The following BEND4 variants were observed in gnomAD, a reference collection of about 807,000 sequenced individuals.
BEND4 encodes BEN domain containing 4, also known as BEN domain-containing protein 4.
In BEND4, 27 loss-of-function variants were observed where a neutral mutation model predicts 54.7. The observed-to-expected ratio is 0.49, with a 90% confidence interval of 0.36 to 0.68. The LOEUF (loss-of-function observed/expected upper bound fraction) is 0.68. BEND4 is among the 30% of genes least tolerant of loss of function. The pLI is 0.00. For synonymous variants in BEND4, 327 were observed against 299.5 expected (o/e 1.09, Z -0.95); for missense variants, 702 against 697.2 (o/e 1.01, Z -0.08).
chr4:42,151,794 G>A lies in BEND4; in HGVS notation c.350C>T (p.Ala117Val). Residue 117 changes from alanine to valine, a missense_variant, in exon 2 of 6, where the codon GCG becomes GTG. Physicochemically the swap from Ala to Val is moderately conservative, Grantham distance 64. Transcript: ENST00000502486. ...ATSQGHLRTP[A>V]QPPPASPAAS... ...GGCGGGGGACGCGGGCGGCGGCTGC[G>A]CCGGAGTCCTCAAGTGGCCCTGGGA... is the stretch of plus-strand genomic sequence containing the variant. The A allele has an allele frequency of 5.4e-6, 8 of 1,487,810 alleles. No individual in the cohort carries two copies. The highest frequency in any genetic ancestry group is 7.1e-6 in the Non-Finnish European group (8 of 1,126,812). 92.2% of individuals were successfully genotyped at this position (1,487,810 alleles called of 1,614,324 possible).
In BEND4 at chr4:42,145,443, T is replaced by C. The variant is rs560663041; in HGVS notation, c.488-1449A>G. 5.9e-3 allele frequency among the ~76,000 whole-genome samples: 892 copies of C among 152,142 alleles called. 11 individuals are homozygous for C. The highest frequency in any genetic ancestry group is 0.011 in the Admixed American group (171 of 15,272). On this transcript the variant is annotated intron_variant, in intron 2 of 5. Transcript: ENST00000502486. ...GGTGCAGTGGCTCACACCTGTAATC[T>C]CAGCACTTTGGGAGGCCAAGGTGGG...
At chr4:42,133,134 T>C (rs1313302346) in intron 3 of BEND4, among the ~76,000 whole-genome samples, 3 of 152,216 alleles carry the variant, frequency 2.0e-5, no homozygotes, top group Non-Finnish European at 4.4e-5. Flanking sequence ...GTGTAAACTA[T>C]TGTCATTTTA....
intron 3 of BEND4, among the ~76,000 whole-genome samples, chr4:42,138,296 A>C (rs1720764065): frequency 6.6e-6 from 1 of 152,214 alleles, no homozygotes; most frequent in African/African-American, 2.4e-5. Context: ...GGTGAGTCCG[A>C]AGGCCATTAT....
At chr4:42,130,479 C>CAAAAAA (rs55989085) in intron 3 of BEND4, among the ~76,000 whole-genome samples, 2 of 64,920 alleles carry the variant, frequency 3.1e-5, no homozygotes, top group Admixed American at 1.8e-4. Context: ...GAGTCCGTCT[C>CAAAAAA]AAAAAAAAAA....
At chr4:42,123,709 A>AACAAAAAC in intron 4 of BEND4, among the ~76,000 whole-genome samples, 1 of 150,980 alleles carries the variant, frequency 6.6e-6, no homozygotes, top group Non-Finnish European at 1.5e-5. Context: ...AAAAAAAAAA[A>AACAAAAAC]AAAAAAAACA....
chr4:42,132,415 G>A (rs939150399), intron 3 of BEND4, among the ~76,000 whole-genome samples: 2 of 151,228 alleles, frequency 1.3e-5, no homozygotes, highest in East Asian at 1.9e-4. Context: ...CTGCCTCCTC[G>A]TGCAAATTAG....
intron 3 of BEND4, among the ~76,000 whole-genome samples, chr4:42,125,895 C>T (rs1720262067): frequency 6.6e-6 from 1 of 152,020 alleles, no homozygotes; most frequent in Admixed American, 6.5e-5. Context: ...CGCACCACTG[C>T]ACCCAGCTAA....
intron 2 of BEND4, among the ~76,000 whole-genome samples, chr4:42,150,408 T>C (rs1721224799): frequency 1.3e-5 from 2 of 152,256 alleles, no homozygotes; most frequent in African/African-American, 2.4e-5. Flanking sequence ...GTCTTCACTA[T>C]AACCTGTAAT....
At chr4:42,142,837 C>T (rs925554345) in intron 3 of BEND4, among the ~76,000 whole-genome samples, 1 of 151,964 alleles carries the variant, frequency 6.6e-6, no homozygotes, top group African/African-American at 2.4e-5. Flanking sequence ...CTATCTTTGA[C>T]CTATTAGGAC....
Position 42,111,627 on chromosome 4 carries a change from T to C in BEND4, c.*5891A>G, listed in dbSNP as rs1719574101. 1 of 152,226 alleles carries C rather than the reference T, an allele frequency of 6.6e-6. No individual in the cohort carries two copies. Among genetic ancestry groups the C allele is most frequent in the South Asian group, 2.1e-4 (1 of 4,830 alleles). The allele number at this position is 152,226 out of a possible 1,614,324, so 9.4% of individuals were successfully genotyped here. A position where few individuals can be genotyped will look rare whatever the true frequency, so the allele number is the denominator to read the frequency against. ...ACAGGAAAAAATCAACAGATTACTGTATTTTCTTACAAAATTTTCACAACA... is the reference window on the plus strand; with the variant it reads ...ACAGGAAAAAATCAACAGATTACTGCATTTTCTTACAAAATTTTCACAACA... On this transcript the variant is annotated 3_prime_UTR_variant, in exon 6 of 6. Coordinates refer to ENST00000502486, the MANE Select transcript of BEND4 (RefSeq NM_207406.4).
At chr4:42,149,823 A>C (rs1021103752) in intron 2 of BEND4, among the ~76,000 whole-genome samples, 3 of 152,218 alleles carry the variant, frequency 2.0e-5, no homozygotes, top group Admixed American at 6.5e-5. Flanking sequence ...AGAAAAAAAG[A>C]AGCAATACAG....
In BEND4 at chr4:42,115,850, A is replaced by G. The variant is rs1267106965; in HGVS notation, c.*1668T>C. ...ATTGAATATTGGTTCTCCCTATTCC[A>G]TTGAATGATATGACAAATTTTAGTT... On this transcript the variant is annotated 3_prime_UTR_variant, in exon 6 of 6. Coordinates refer to ENST00000502486, the MANE Select transcript of BEND4 (RefSeq NM_207406.4). The G allele has an allele frequency of 8.7e-6, 1 of 115,330 alleles. No homozygotes were observed. The highest frequency in any genetic ancestry group is 1.9e-4 in the East Asian group (1 of 5,164). 7.1% of individuals were successfully genotyped at this position (115,330 alleles called of 1,614,324 possible).
chr4:42,122,735 A>G (rs7657111), intron 4 of BEND4, among the ~76,000 whole-genome samples: 1 of 152,032 alleles, frequency 6.6e-6, no homozygotes, highest in African/African-American at 2.4e-5. Flanking sequence ...TAAGCTGTTT[A>G]TTTAACACCA....
chr4:42,116,188 G>A lies in BEND4; in HGVS notation c.*1330C>T, dbSNP rs1719823690. The A allele has an allele frequency of 6.6e-6, 1 of 152,184 alleles. No individual in the cohort carries two copies. Among genetic ancestry groups the A allele is most frequent in the African/African-American group, 2.4e-5 (1 of 41,444 alleles). 9.4% of individuals were successfully genotyped at this position (152,184 alleles called of 1,614,324 possible). A position where few individuals can be genotyped will look rare whatever the true frequency, so the allele number is the denominator to read the frequency against. Reference sequence around the variant, plus strand: ...AAAACCCTTGGTCATGTCTGTAGATGACATTAGTAGCCTTCAATAAACGCT... The same window carrying A: ...AAAACCCTTGGTCATGTCTGTAGATAACATTAGTAGCCTTCAATAAACGCT... On this transcript the variant is annotated 3_prime_UTR_variant, in exon 6 of 6. Coordinates refer to ENST00000502486, the MANE Select transcript of BEND4 (RefSeq NM_207406.4).
chr4:42,117,797 G>T, intron 5 of BEND4, 62 bp from the exon 6 acceptor site: 1 of 1,158,074 alleles, frequency 8.6e-7, no homozygotes, highest in Non-Finnish European at 1.2e-6. Context: ...TTTTGCAGAA[G>T]ATGACAGGGC....
Position 42,114,445 on chromosome 4 carries a change from T to G in BEND4, c.*3073A>C, listed in dbSNP as rs924771652. 6.6e-6 allele frequency: 1 copy of G among 152,214 alleles called. No homozygotes were observed. Among genetic ancestry groups the G allele is most frequent in the African/African-American group, 2.4e-5 (1 of 41,440 alleles). 9.4% of individuals were successfully genotyped at this position (152,214 alleles called of 1,614,324 possible). A position where few individuals can be genotyped will look rare whatever the true frequency, so the allele number is the denominator to read the frequency against. On this transcript the variant is annotated 3_prime_UTR_variant, in exon 6 of 6. Coordinates refer to ENST00000502486, the MANE Select transcript of BEND4 (RefSeq NM_207406.4). ...AAGCCAGCCCCGTGACCTCCTCCTCTCACCAATTAAGTGGGGGCACAGCTG... is the reference window on the plus strand; with the variant it reads ...AAGCCAGCCCCGTGACCTCCTCCTCGCACCAATTAAGTGGGGGCACAGCTG...
intron 3 of BEND4, among the ~76,000 whole-genome samples, chr4:42,130,200 G>T (rs1720454031): frequency 6.6e-6 from 1 of 152,090 alleles, no homozygotes; most frequent in Non-Finnish European, 1.5e-5. Context: ...CCACAATGAG[G>T]CTGGGCGCAG....
intron 3 of BEND4, 71 bp from the exon 4 acceptor site, chr4:42,125,745 G>C: frequency 1.2e-6 from 1 of 824,200 alleles, no homozygotes; most frequent in Non-Finnish European, 1.8e-6. Flanking sequence ...ATTTTTTAAA[G>C]TTTTTTTTTT....
At chr4:42,148,857 A>C (rs1721162619) in intron 2 of BEND4, among the ~76,000 whole-genome samples, 1 of 152,232 alleles carries the variant, frequency 6.6e-6, no homozygotes, top group South Asian at 2.1e-4. Context: ...TTTAACTCTA[A>C]GCCTCCCACA....
Sources: allele counts gnomAD v4.1 joint callset (sites outside exome capture counted in the v4.1 genomes callset), GRCh38; gene constraint gnomAD v4.1.1; transcripts MANE v1.5; gene names NCBI Gene and HGNC (gene_info 2026-07-23, HGNC 2026-07-21).